The following ABCE1 variants were observed in gnomAD, a reference collection of about 807,000 sequenced individuals.
ABCE1 encodes the protein ATP-binding cassette sub-family E member 1.
Under a neutral mutation model 83.4 loss-of-function variants are expected in ABCE1, and 22 were observed. That is an observed-to-expected ratio of 0.26 (90% confidence interval 0.19 to 0.38). The LOEUF (loss-of-function observed/expected upper bound fraction) is 0.38. Among genes scored for constraint, ABCE1 ranks in the 10% least tolerant of loss-of-function variants. The probability of loss-of-function intolerance (pLI) is 1.00; values close to 1 mark genes in which losing one functional copy is unlikely to be tolerated. For synonymous variants in ABCE1, 204 were observed against 233.7 expected (o/e 0.87, Z 1.16); for missense variants, 330 against 721.9 (o/e 0.46, Z 6.22).
intron 3 of ABCE1, 123 bp from the exon 4 acceptor site, chr4:145,107,892 C>T (rs1323774258): frequency 8.2e-6 from 6 of 735,110 alleles, no homozygotes; most frequent in Non-Finnish European, 1.3e-5. Context: ...AATGAAACAA[C>T]ATTTCACATC....
At chr4:145,124,679 CTACT>C (rs1749829220) in intron 16 of ABCE1, among the ~76,000 whole-genome samples, 1 of 152,072 alleles carries the variant, frequency 6.6e-6, no homozygotes, top group African/African-American at 2.4e-5. Context: ...ATTCTGTAAT[CTACT>C]TATTAATTAT....
At chr4:145,123,637 T>A in intron 16 of ABCE1, 37 bp downstream of exon 16, 1 of 1,534,012 alleles carries the variant, frequency 6.5e-7, no homozygotes, top group Non-Finnish European at 8.9e-7. Context: ...AGTAATTCAT[T>A]TTAAATTTTC....
intron 1 of ABCE1, among the ~76,000 whole-genome samples, chr4:145,103,797 T>C (rs1261194084): frequency 6.7e-6 from 1 of 148,876 alleles, no homozygotes; most frequent in African/African-American, 2.5e-5. Flanking sequence ...TGGGTCTGAC[T>C]CTCATCCAGG....
chr4:145,111,129 C>A, intron 8 of ABCE1, 65 bp downstream of exon 8: 1 of 1,029,218 alleles, frequency 9.7e-7, no homozygotes, highest in Non-Finnish European at 1.4e-6. Context: ...TGTGATGCTG[C>A]TAATAGAGGA....
In ABCE1 at chr4:145,128,521, C is replaced by T. The variant is rs2126718621; in HGVS notation, c.*948C>T. 1 of 152,220 alleles carries T rather than the reference C, an allele frequency of 6.6e-6. No homozygotes were observed. Among genetic ancestry groups the T allele is most frequent in the Non-Finnish European group, 1.5e-5 (1 of 67,994 alleles). 9.4% of individuals were successfully genotyped at this position (152,220 alleles called of 1,614,324 possible). A position where few individuals can be genotyped will look rare whatever the true frequency, so the allele number is the denominator to read the frequency against. ...CATTAATGCAAAAGTCCCCAGATGGCAATACAAAGTATCCCCTGGTACCAC... is the reference window on the plus strand; with the variant it reads ...CATTAATGCAAAAGTCCCCAGATGGTAATACAAAGTATCCCCTGGTACCAC... On this transcript the variant is annotated 3_prime_UTR_variant, in exon 18 of 18. Coordinates refer to ENST00000296577, the MANE Select transcript of ABCE1 (RefSeq NM_002940.3).
intron 1 of ABCE1, among the ~76,000 whole-genome samples, chr4:145,099,277 A>G (rs1749035752): frequency 1.3e-5 from 2 of 152,160 alleles, no homozygotes; most frequent in Admixed American, 1.3e-4. Flanking sequence ...GATGGTAAAA[A>G]TCTATAAGAG....
Position 145,112,311 on chromosome 4 carries a change from T to C in ABCE1, c.783T>C (p.Ser261=). The C allele has an allele frequency of 6.3e-7, 1 of 1,589,784 alleles. No homozygotes were observed. ...QRLKAAITIR[S]LINPDRYIIV... is the part of the protein sequence containing the mutation. ...TAAAGGCTGCTATTACTATACGATC[T>C]CTAATAAATCCAGATAGGTAAGTAG... Residue 261 remains serine, a synonymous_variant, in exon 9 of 18, where the codon TCT becomes TCC. Transcript: ENST00000296577.
Position 145,110,131 on chromosome 4 carries a change from C to A in ABCE1, c.434C>A (p.Thr145Asn). 1 of 1,562,156 alleles carries A rather than the reference C, an allele frequency of 6.4e-7. No individual in the cohort carries two copies. The highest frequency in any genetic ancestry group is 8.6e-7 in the Non-Finnish European group (1 of 1,158,364). Reference protein sequence around the residue: ...DDPPDWQEILTYFRGSELQNY... With the variant: ...DDPPDWQEILNYFRGSELQNY... Reference sequence around the variant, plus strand: ...CCTCCTGACTGGCAGGAGATTTTGACTTATTTCCGTGGATCTGAATTACAA... The same window carrying A: ...CCTCCTGACTGGCAGGAGATTTTGAATTATTTCCGTGGATCTGAATTACAA... Residue 145 changes from threonine (T) to asparagine (N), a missense_variant, in exon 6 of 18, where the codon ACT becomes AAT. Coordinates refer to ENST00000296577, the MANE Select transcript of ABCE1 (RefSeq NM_002940.3).
intron 5 of ABCE1, 104 bp from the exon 6 acceptor site, chr4:145,109,999 A>G (rs1253715045): frequency 5.6e-6 from 6 of 1,063,712 alleles, no homozygotes; most frequent in Non-Finnish European, 7.8e-6. Context: ...GTTAAAAGCC[A>G]CAAGTGTTCT....
In ABCE1 at chr4:145,109,313, G is replaced by T. The variant is rs57541361; in HGVS notation, c.405+64G>T. ...CAGTTTTATGAGATTTTGGGGGGAT[G>T]ATATGTATATTTTTAAAATATTCTT... is the stretch of plus-strand genomic sequence containing the variant. On this transcript the variant is annotated intron_variant, in intron 5 of 17. Coordinates refer to ENST00000296577, the MANE Select transcript of ABCE1 (RefSeq NM_002940.3). 1.1e-3 allele frequency: 905 copies of T among 854,926 alleles called. 11 individuals are homozygous for T. In the African/African-American group the frequency reaches 0.013, roughly 13 times the overall value. 53.0% of individuals were successfully genotyped at this position (854,926 alleles called of 1,614,324 possible).
chr4:145,114,736 C>G (rs541290487), intron 9 of ABCE1, among the ~76,000 whole-genome samples: 2 of 151,838 alleles, frequency 1.3e-5, no homozygotes, highest in Non-Finnish European at 2.9e-5. Context: ...AGGACAGTAA[C>G]TTTAATTGTA....
chr4:145,101,993 A>G (rs1174582026), intron 1 of ABCE1, among the ~76,000 whole-genome samples: 1 of 152,190 alleles, frequency 6.6e-6, no homozygotes, highest in African/African-American at 2.4e-5. Context: ...AAAAATGACC[A>G]AGTCTTAGAG....
chr4:145,107,106 T>G (rs1320761230), intron 3 of ABCE1, among the ~76,000 whole-genome samples: 1 of 152,158 alleles, frequency 6.6e-6, no homozygotes, highest in Non-Finnish European at 1.5e-5. Context: ...TTTGCTGTTC[T>G]TGTTCCTTGG....
At chr4:145,123,659 A>G (rs1749800899) in intron 16 of ABCE1, 59 bp downstream of exon 16, 1 of 1,471,316 alleles carries the variant, frequency 6.8e-7, no homozygotes, top group South Asian at 1.3e-5. Context: ...AGTAAATAGT[A>G]AAGTCACTCA....
chr4:145,110,953 C>T lies in ABCE1; in HGVS notation c.614-15C>T, dbSNP rs770727853. On this transcript the variant is annotated splice_polypyrimidine_tract_variant and intron_variant, in intron 7 of 17. Coordinates refer to ENST00000296577, the MANE Select transcript of ABCE1 (RefSeq NM_002940.3). Reference sequence around the variant, plus strand: ...GTGAAATACATTGAGCACAATGCCTCTATGTTCTTTGTAGATTTAACCCAC... The same window carrying T: ...GTGAAATACATTGAGCACAATGCCTTTATGTTCTTTGTAGATTTAACCCAC... 7.0e-6 allele frequency: 11 copies of T among 1,577,926 alleles called. No individual in the cohort carries two copies. The highest frequency in any genetic ancestry group is 9.5e-6 in the Non-Finnish European group (11 of 1,155,110).
At chr4:145,107,500 C>T (rs728674) in intron 3 of ABCE1, among the ~76,000 whole-genome samples, 1 of 152,098 alleles carries the variant, frequency 6.6e-6, no homozygotes, top group Non-Finnish European at 1.5e-5. Flanking sequence ...AACAAAAAAC[C>T]TCAAGTTCTA....
At chr4:145,103,403 A>T (rs1749208771) in intron 1 of ABCE1, among the ~76,000 whole-genome samples, 1 of 152,208 alleles carries the variant, frequency 6.6e-6, no homozygotes, top group Admixed American at 6.5e-5. Flanking sequence ...TTTAATCACC[A>T]TTCTAAGGAA....
chr4:145,120,220 T>G, intron 11 of ABCE1, 67 bp downstream of exon 11: 1 of 1,409,634 alleles, frequency 7.1e-7, no homozygotes, highest in Non-Finnish European at 9.7e-7. Context: ...TTTAACTGTT[T>G]TGTGGAAAAA....
intron 17 of ABCE1, among the ~76,000 whole-genome samples, chr4:145,126,387 C>T (rs915236152): frequency 6.6e-5 from 10 of 151,946 alleles, no homozygotes; most frequent in African/African-American, 4.8e-5. Flanking sequence ...CTCTGCCTCC[C>T]GAGTTCAAGC....
Sources: allele counts gnomAD v4.1 joint callset (sites outside exome capture counted in the v4.1 genomes callset), GRCh38; gene constraint gnomAD v4.1.1; transcripts MANE v1.5; gene names NCBI Gene and HGNC (gene_info 2026-07-23, HGNC 2026-07-21).